Variants in SV2C observed in about 807,000 individuals in gnomAD.
The protein encoded by SV2C is solute carrier family 22 member B3.
In SV2C, 49 loss-of-function variants were observed where a neutral mutation model predicts 79.7. That is an observed-to-expected ratio of 0.61 (90% confidence interval 0.49 to 0.78). The LOEUF is 0.78. Ranked by LOEUF, SV2C falls within the 30% of genes least tolerant of loss-of-function variation. The pLI, the probability that SV2C is intolerant of heterozygous loss-of-function variation, is 0.00. For synonymous variants in SV2C, 334 were observed against 333.2 expected, an observed-to-expected ratio of 1.00 and a Z score of -0.03; for missense variants, 833 against 912.9, an observed-to-expected ratio of 0.91 and a Z score of 1.13.
At chr5:76,187,144 G>T (rs954630650) in intron 2 of SV2C, among the ~76,000 whole-genome samples, 1 of 152,148 alleles carries the variant, frequency 6.6e-6, no homozygotes, top group South Asian at 2.1e-4. Context: ...TTAAAAAATT[G>T]CTTCAAATAA....
At chr5:76,211,628 A>C (rs192665837) in intron 4 of SV2C, among the ~76,000 whole-genome samples, 124 of 152,334 alleles carry the variant, frequency 8.1e-4, no homozygotes, top group African/African-American at 3.0e-3. Context: ...AGATTTCAAA[A>C]ACTCATTCTT....
chr5:76,099,511 A>G (rs917655672), intron 1 of SV2C, among the ~76,000 whole-genome samples: 1 of 152,080 alleles, frequency 6.6e-6, no homozygotes, highest in Non-Finnish European at 1.5e-5. Context: ...TTTTCTGCTT[A>G]TAAGGGTTTC....
chr5:76,144,009 T>C (rs914124117), intron 2 of SV2C, among the ~76,000 whole-genome samples: 1 of 115,572 alleles, frequency 8.7e-6, no homozygotes, highest in Non-Finnish European at 2.3e-5. Context: ...AATAAAAACT[T>C]GATGGCCTAA....
chr5:75,865,865 C>T, the SV2C span, among the ~76,000 whole-genome samples: 1 of 152,216 alleles, frequency 6.6e-6, no homozygotes, highest in African/African-American at 2.4e-5. Context: ...ACCTTTGTCA[C>T]CAGCCACTCT....
At chr5:75,957,343 G>C in the SV2C span, among the ~76,000 whole-genome samples, 4 of 151,992 alleles carry the variant, frequency 2.6e-5, no homozygotes, top group Non-Finnish European at 2.9e-5. Context: ...TAAAAAGATA[G>C]ATTATAGCCA....
At chr5:76,307,570 T>C (rs1005053762) in intron 12 of SV2C, among the ~76,000 whole-genome samples, 1 of 152,186 alleles carries the variant, frequency 6.6e-6, no homozygotes, top group African/African-American at 2.4e-5. Flanking sequence ...CCCAAAACAA[T>C]GGCCTCCCGT....
At chr5:76,343,916 G>A (rs1749489414) in intron 12 of SV2C, among the ~76,000 whole-genome samples, 2 of 152,188 alleles carry the variant, frequency 1.3e-5, no homozygotes, top group Admixed American at 1.3e-4. Context: ...AGCTACTCAG[G>A]AGGCTGAGGT....
intron 12 of SV2C, among the ~76,000 whole-genome samples, chr5:76,342,162 C>T (rs954757234): frequency 2.6e-5 from 4 of 152,262 alleles, no homozygotes; most frequent in Admixed American, 6.5e-5. Flanking sequence ...CATGCATATA[C>T]GGGGACCTTA....
the SV2C span, chr5:75,911,277 A>T: frequency 2.1e-6 from 3 of 1,452,704 alleles, no homozygotes; most frequent in Non-Finnish European, 2.9e-6. Flanking sequence ...CCCCAGCTCC[A>T]TCACCAGGCA....
At chr5:76,227,949 C>T (rs995429164) in intron 4 of SV2C, among the ~76,000 whole-genome samples, 2 of 152,160 alleles carry the variant, frequency 1.3e-5, no homozygotes, top group Non-Finnish European at 1.5e-5. Context: ...CCAGCAGAAT[C>T]GCAAATAGTT....
the SV2C span, among the ~76,000 whole-genome samples, chr5:75,884,471 A>G: frequency 3.3e-4 from 51 of 152,288 alleles, no homozygotes; most frequent in Admixed American, 1.2e-3. Flanking sequence ...TAATGGCTCA[A>G]TATGTCCATT....
chr5:75,959,117 C>T, the SV2C span, among the ~76,000 whole-genome samples: 8 of 151,758 alleles, frequency 5.3e-5, no homozygotes, highest in Admixed American at 5.3e-4. Flanking sequence ...TTCTTTGCAC[C>T]GTGGTAGCTG....
the SV2C span, among the ~76,000 whole-genome samples, chr5:75,947,161 T>C: frequency 6.6e-6 from 1 of 152,034 alleles, no homozygotes; most frequent in African/African-American, 2.4e-5. Context: ...GGAATAAAGA[T>C]AAATGTCTAC....
At chr5:75,873,212 T>C in the SV2C span, among the ~76,000 whole-genome samples, 6 of 152,138 alleles carry the variant, frequency 3.9e-5, no homozygotes, top group Non-Finnish European at 8.8e-5. Context: ...CATGAATCAA[T>C]TGGTGAAATT....
At chr5:76,176,869 A>G (rs1285329182) in intron 2 of SV2C, among the ~76,000 whole-genome samples, 1 of 152,206 alleles carries the variant, frequency 6.6e-6, no homozygotes, top group East Asian at 1.9e-4. Flanking sequence ...TAATCCCAGC[A>G]CTTTGGGAGA....
the SV2C span, among the ~76,000 whole-genome samples, chr5:75,873,915 A>G: frequency 6.6e-6 from 1 of 152,126 alleles, no homozygotes; most frequent in Non-Finnish European, 1.5e-5. Flanking sequence ...AGTAATAAAT[A>G]GCCTACCAAC....
At chr5:76,121,801 G>C (rs563866545) in intron 1 of SV2C, among the ~76,000 whole-genome samples, 2 of 151,584 alleles carry the variant, frequency 1.3e-5, no homozygotes, top group Non-Finnish European at 2.9e-5. Flanking sequence ...GTCAGGTAGC[G>C]TGATGCCTCC....
rs868525926 is a variant in SV2C, at chr5:76,161,450, G to T, written c.580+29120G>T. 3.9e-5 allele frequency among the ~76,000 whole-genome samples: 6 copies of T among 152,260 alleles called. No homozygotes were observed. The Middle Eastern group carries it at 0.01, about 259-fold the overall frequency. On this transcript the variant is annotated intron_variant, in intron 2 of 12. Transcript: ENST00000502798. ...TCTTCTCTCTCTGTCACGCAGGCTG[G>T]AGTGCAGTGTAGCTGAGACAACAGG...
At chr5:76,306,803 G>T (rs973453942) in intron 12 of SV2C, among the ~76,000 whole-genome samples, 1 of 152,164 alleles carries the variant, frequency 6.6e-6, no homozygotes, top group Non-Finnish European at 1.5e-5. Flanking sequence ...AAAATGCTCA[G>T]CTTCACTAAT....
Sources: allele counts gnomAD v4.1 joint callset (sites outside exome capture counted in the v4.1 genomes callset), GRCh38; gene constraint gnomAD v4.1.1; transcripts MANE v1.5; gene names NCBI Gene and HGNC (gene_info 2026-07-23, HGNC 2026-07-21).